Variants in KCNQ2 observed in about 807,000 individuals in gnomAD.
KCNQ2 encodes potassium voltage-gated channel subfamily Q member 2.
Under a neutral mutation model 84.8 loss-of-function variants are expected in KCNQ2, and 14 were observed. That is an observed-to-expected ratio of 0.17 (90% CI 0.11 to 0.26). The LOEUF (loss-of-function observed/expected upper bound fraction) is 0.26, where lower values mean the gene tolerates loss of function less well. Ranked by LOEUF, KCNQ2 falls within the 10% of genes least tolerant of loss-of-function variation. KCNQ2 has a pLI of 1.00. For missense variants in KCNQ2, 788 were observed against 1,254.0 expected, an observed-to-expected ratio of 0.63 and a Z score of 5.61; for synonymous variants, 599 against 554.1, an observed-to-expected ratio of 1.08 and a Z score of -1.14.
intron 4 of KCNQ2, 83 bp downstream of exon 4, chr20:63,444,576 C>G: frequency 1.6e-6 from 2 of 1,266,038 alleles, no homozygotes; most frequent in Non-Finnish European, 2.1e-6. Context: ...TGAAGCAAAC[C>G]CCAGGCAGGG....
intron 4 of KCNQ2, among the ~76,000 whole-genome samples, chr20:63,442,968 C>CA (rs2081257289): frequency 2.3e-5 from 1 of 43,516 alleles, no homozygotes; most frequent in Non-Finnish European, 4.9e-5. Context: ...ATCACCACCA[C>CA]CACCACCATC....
In KCNQ2 at chr20:63,439,726, C is replaced by G. The variant is rs1430967332; in HGVS notation, c.817-18G>C. ...AGCGTGATCTGTGGGACCGCAGGCT[C>G]TAGTCACACGAAGGGCCTGCTCACA... On this transcript the variant is annotated intron_variant, in intron 5 of 16. Coordinates refer to ENST00000359125, the MANE Select transcript of KCNQ2 (RefSeq NM_172107.4). The G allele has an allele frequency of 1.9e-6, 3 of 1,583,424 alleles. No homozygotes were observed. The highest frequency in any genetic ancestry group is 2.2e-5 in the East Asian group (1 of 44,710).
intron 11 of KCNQ2, among the ~76,000 whole-genome samples, chr20:63,422,883 A>T (rs887528315): frequency 5.9e-5 from 9 of 152,168 alleles, no homozygotes; most frequent in Non-Finnish European, 1.3e-4. Context: ...GGGCCCTGCC[A>T]CGCGGAAGCC....
At chr20:63,450,401 C>T (rs1162465147) in intron 1 of KCNQ2, among the ~76,000 whole-genome samples, 13 of 147,222 alleles carry the variant, frequency 8.8e-5, no homozygotes, top group African/African-American at 3.0e-4. Context: ...CTGATGCCTG[C>T]CCCCGCTCCC....
At chr20:63,423,282 C>A (rs557613370) in intron 11 of KCNQ2, among the ~76,000 whole-genome samples, 2 of 152,154 alleles carry the variant, frequency 1.3e-5, no homozygotes, top group African/African-American at 2.4e-5. Context: ...ACCCAAGCCC[C>A]GCAGTGTCTC....
At chr20:63,440,465 G>A (rs921257682) in intron 5 of KCNQ2, among the ~76,000 whole-genome samples, 1 of 152,124 alleles carries the variant, frequency 6.6e-6, no homozygotes, top group African/African-American at 2.4e-5. Context: ...GCCCACCCCC[G>A]CCTGCCAGAA....
Position 63,404,453 on chromosome 20 carries a change from AG to A in KCNQ2, c.*2190del, listed in dbSNP as rs2079881856. ...AAAGAGCAGGCGGGGTCACACCTGC[AG>A]GGGGACACACAGCACAGCCTCCCTC... On this transcript the variant is annotated 3_prime_UTR_variant, in exon 17 of 17. Transcript: ENST00000359125. The A allele has an allele frequency of 6.6e-6, 1 of 152,014 alleles. No individual in the cohort carries two copies. Among genetic ancestry groups the A allele is most frequent in the Non-Finnish European group, 1.5e-5 (1 of 68,304 alleles). The allele number at this position is 152,014 out of a possible 1,614,324, so 9.4% of individuals were successfully genotyped here.
In KCNQ2 at chr20:63,400,891, G is replaced by A. The variant is rs1034468875; in HGVS notation, c.*5753C>T. On this transcript the variant is annotated 3_prime_UTR_variant, in exon 17 of 17. Transcript: ENST00000359125. This position sits in a 1 kb window ranked among gnomAD's most constrained non-coding sequence, Gnocchi z 8.7. ...CCTGTTCGCAGGGTCCAGGGCGTCC[G>A]TACCTGGCACAGCCAGGGGGCATGG... The A allele has an allele frequency of 3.0e-5, 12 of 398,232 alleles. No homozygotes were observed. Among genetic ancestry groups the A allele is most frequent in the South Asian group, 1.3e-4 (1 of 7,864 alleles). 24.7% of individuals were successfully genotyped at this position (398,232 alleles called of 1,614,324 possible).
chr20:63,472,507 G>C lies in KCNQ2; in HGVS notation c.-44C>G. ...CCCCGGGTCGGGCTCAGGCTCAGCG[G>C]GGGCGGAGCGCGGGGGGCGGCGCGG... On this transcript the variant is annotated 5_prime_UTR_variant, in exon 1 of 17. Transcript: ENST00000359125. The C allele has an allele frequency of 7.2e-7, 1 of 1,380,386 alleles. No individual in the cohort carries two copies. Among genetic ancestry groups the C allele is most frequent in the Non-Finnish European group, 9.3e-7 (1 of 1,070,902 alleles). The allele number at this position is 1,380,386 out of a possible 1,614,324, so 85.5% of individuals were successfully genotyped here. A position where few individuals can be genotyped will look rare whatever the true frequency, so the allele number is the denominator to read the frequency against.
Position 63,455,047 on chromosome 20 carries a change from G to A in KCNQ2, c.297-8210C>T, listed in dbSNP as rs183723049. On this transcript the variant is annotated intron_variant, in intron 1 of 16. Coordinates refer to ENST00000359125, the MANE Select transcript of KCNQ2 (RefSeq NM_172107.4). ...GCCCGCCCCCTCCTGCCCAGGCAGC[G>A]GCCAAGTCTGCAGGAAAAGAAAGAA... 1.4e-3 allele frequency among the ~76,000 whole-genome samples: 212 copies of A among 152,318 alleles called. 1 individual carries two copies. Among genetic ancestry groups the A allele is most frequent in the African/African-American group, 4.7e-3 (197 of 41,570 alleles).
At position 63,414,005 on chromosome 20, in the gene KCNQ2, C is replaced by T; in HGVS notation, c.1631+83G>A. 1 of 1,046,766 alleles carries T rather than the reference C, an allele frequency of 9.6e-7. No homozygotes were observed. The highest frequency in any genetic ancestry group is 1.5e-6 in the Non-Finnish European group (1 of 667,672). 64.8% of individuals were successfully genotyped at this position (1,046,766 alleles called of 1,614,324 possible). ...GTCTCTGGGCGGCTCTGTCCAGCAC[C>T]ATGAGCACCGGCAGCAGGCAGGACC... On this transcript the variant is annotated intron_variant, in intron 14 of 16. Coordinates refer to ENST00000359125, the MANE Select transcript of KCNQ2 (RefSeq NM_172107.4). This position sits in a 1 kb window ranked among gnomAD's most constrained non-coding sequence, Gnocchi z 6.6.
At chr20:63,439,873 C>T (rs2081108457) in intron 5 of KCNQ2, 165 bp from the exon 6 acceptor site, 4 of 674,902 alleles carry the variant, frequency 5.9e-6, no homozygotes, top group Non-Finnish European at 1.1e-5. Context: ...TGTCGGCCGC[C>T]CCTCATCCCC....
Position 63,439,598 on chromosome 20 carries a change from T to C in KCNQ2, c.927A>G (p.Ala309=), listed in dbSNP as rs1568927218. 2 of 1,611,194 alleles carry C rather than the reference T, an allele frequency of 1.2e-6. No individual in the cohort carries two copies. Among genetic ancestry groups the C allele is most frequent in the African/African-American group, 1.3e-5 (1 of 75,000 alleles). Residue 309 remains alanine, a splice_region_variant and synonymous_variant, in exon 6 of 17, where the codon GCA becomes GCG. Transcript: ENST00000359125. Reference sequence around the variant, plus strand: ...GGCAGGCAGGGGCAGCTGGACTTACTGCAGGCAGCGCGAAGAAGGAGACAC... The same window carrying C: ...GGCAGGCAGGGGCAGCTGGACTTACCGCAGGCAGCGCGAAGAAGGAGACAC... ...LIGVSFFALP[A]GILGSGFALK...
rs1486628554 is a variant in KCNQ2, at chr20:63,405,158, G to A, written c.*1486C>T. ...CCAAGCCAAGTGCACTGAAAACGCA[G>A]GTGGAGGAGAAACGGGCCCAGGACT... On this transcript the variant is annotated 3_prime_UTR_variant, in exon 17 of 17. Transcript: ENST00000359125. 1 of 152,370 alleles carries A rather than the reference G, an allele frequency of 6.6e-6. No individual in the cohort carries two copies. Among genetic ancestry groups the A allele is most frequent in the East Asian group, 1.9e-4 (1 of 5,198 alleles). The allele number at this position is 152,370 out of a possible 1,614,324, so 9.4% of individuals were successfully genotyped here.
At chr20:63,472,066 AG>A in intron 1 of KCNQ2, 101 bp downstream of exon 1, 1 of 803,944 alleles carries the variant, frequency 1.2e-6, no homozygotes, top group South Asian at 2.0e-5. Context: ...ACCCAGGGGC[AG>A]GGAGCCAAAC....
chr20:63,417,024 G>T (rs2080319880), intron 12 of KCNQ2, among the ~76,000 whole-genome samples: 1 of 152,232 alleles, frequency 6.6e-6, no homozygotes, highest in African/African-American at 2.4e-5. Flanking sequence ...GAGTCCCGAG[G>T]CGTCGCGTGC....
chr20:63,408,927 T>C lies in KCNQ2; in HGVS notation c.1764-391A>G, dbSNP rs1339780552. Reference sequence around the variant, plus strand: ...TTGGCCCCACAGCCCACGGAGGGTCTCCCACTGCAGGGCCTGGAGCCCACT... The same window carrying C: ...TTGGCCCCACAGCCCACGGAGGGTCCCCCACTGCAGGGCCTGGAGCCCACT... On this transcript the variant is annotated intron_variant, in intron 15 of 16. Transcript: ENST00000359125. This position sits in a 1 kb window ranked among gnomAD's most constrained non-coding sequence, Gnocchi z 5.0. 1.3e-5 allele frequency among the ~76,000 whole-genome samples: 2 copies of C among 152,124 alleles called. No individual in the cohort carries two copies. Among genetic ancestry groups the C allele is most frequent in the Non-Finnish European group, 2.9e-5 (2 of 68,030 alleles).
In KCNQ2 at chr20:63,414,143, C is replaced by T. The variant is rs765124891; in HGVS notation, c.1576G>A (p.Glu526Lys). 5.0e-6 allele frequency: 8 copies of T among 1,613,734 alleles called. No homozygotes were observed. The highest frequency in any genetic ancestry group is 6.8e-6 in the Non-Finnish European group (8 of 1,179,982). ...GGGGTCAGGTCCTCGGTCACAAACT[C>T]GCAGGGGCAGCTCTTGTCATCCACA... ...DIVDDKSCPC[E>K]FVTEDLTPGL... Residue 526 changes from glutamate (E) to lysine (K), a missense_variant, in exon 14 of 17, where the codon GAG becomes AAG. Coordinates refer to ENST00000359125, the MANE Select transcript of KCNQ2 (RefSeq NM_172107.4). The surrounding 1 kb of genome is among the most constrained non-coding windows in gnomAD (Gnocchi z 6.6).
chr20:63,414,144 G>A lies in KCNQ2; in HGVS notation c.1575C>T (p.Cys525=), dbSNP rs528539094. ...GGGTCAGGTCCTCGGTCACAAACTC[G>A]CAGGGGCAGCTCTTGTCATCCACAA... ...EDIVDDKSCP[C]EFVTEDLTPG... The change falls in exon 14 of 17, where the codon TGC becomes TGT. Residue 525 remains cysteine (C), a synonymous_variant. Coordinates refer to ENST00000359125, the MANE Select transcript of KCNQ2 (RefSeq NM_172107.4). The surrounding 1 kb of genome is among the most constrained non-coding windows in gnomAD (Gnocchi z 6.6). 15 of 1,613,726 alleles carry A rather than the reference G, an allele frequency of 9.3e-6. No homozygotes were observed. The highest frequency in any genetic ancestry group is 5.3e-5 in the African/African-American group (4 of 75,030).
Sources: allele counts gnomAD v4.1 joint callset (sites outside exome capture counted in the v4.1 genomes callset), GRCh38; gene constraint gnomAD v4.1.1; non-coding constraint Gnocchi (gnomAD v3.1); transcripts MANE v1.5; gene names NCBI Gene and HGNC (gene_info 2026-07-23, HGNC 2026-07-21).